MDH1B: variants seen among roughly 807,000 people sequenced by gnomAD.
MDH1B encodes putative malate dehydrogenase 1B.
A neutral mutation model predicts 61.4 loss-of-function variants in MDH1B; 60 were observed. That is an observed-to-expected ratio of 0.98 (90% CI 0.79 to 1.21). The LOEUF is 1.21. Ranked by LOEUF, MDH1B falls within the 50% of genes most tolerant of loss-of-function variation. The pLI, the probability that MDH1B is intolerant of heterozygous loss-of-function variation, is 0.00. For missense variants in MDH1B, 587 were observed against 632.1 expected, an observed-to-expected ratio of 0.93 and a Z score of 0.76; for synonymous variants, 236 against 218.7, an observed-to-expected ratio of 1.08 and a Z score of -0.70.
At chr2:206,757,187 A>T in intron 3 of MDH1B, 50 bp downstream of exon 3, 1 of 1,555,264 alleles carries the variant, frequency 6.4e-7, no homozygotes, top group Non-Finnish European at 8.7e-7. Flanking sequence ...GAAAAATAAA[A>T]TAATGTAAGA....
intron 6 of MDH1B, 121 bp from the exon 7 acceptor site, chr2:206,749,304 G>A (rs955267761): frequency 3.9e-6 from 3 of 759,896 alleles, no homozygotes; most frequent in Admixed American, 3.0e-5. Context: ...TAGAAATACA[G>A]CTTTATTTCT....
intron 4 of MDH1B, among the ~76,000 whole-genome samples, chr2:206,756,085 G>A (rs1463834722): frequency 6.6e-6 from 1 of 152,120 alleles, no homozygotes. Flanking sequence ...ACCATGGGAA[G>A]TTCAGAAATG....
At chr2:206,748,907 C>T (rs1397515683) in intron 7 of MDH1B, 113 bp downstream of exon 7, 6 of 811,500 alleles carry the variant, frequency 7.4e-6, no homozygotes, top group Middle Eastern at 2.7e-4. Context: ...TGTAAAAGTC[C>T]AGGCAGCTAA....
chr2:206,758,374 G>A (rs922534604), intron 2 of MDH1B, among the ~76,000 whole-genome samples: 1 of 152,166 alleles, frequency 6.6e-6, no homozygotes, highest in Non-Finnish European at 1.5e-5. Context: ...AGAAGACAGG[G>A]ACAACATGTT....
intron 6 of MDH1B, among the ~76,000 whole-genome samples, chr2:206,750,582 T>C (rs1236504665): frequency 6.6e-6 from 1 of 151,806 alleles, no homozygotes; most frequent in Non-Finnish European, 1.5e-5. Flanking sequence ...CTGCTCATCG[T>C]CTTAACTCCT....
In MDH1B at chr2:206,749,187, T is replaced by G; in HGVS notation, c.1053-4A>C. The G allele has an allele frequency of 6.2e-7, 1 of 1,613,426 alleles. No homozygotes were observed. Among genetic ancestry groups the G allele is most frequent in the Non-Finnish European group, 8.5e-7 (1 of 1,179,664 alleles). On this transcript the variant is annotated splice_region_variant and splice_polypyrimidine_tract_variant and intron_variant, in intron 6 of 11. Transcript: ENST00000374412. ...AAATTCTCTTTTTACCCACTCACTG[T>G]AAGGAGAGAAAGAAACAATTTTACA...
At chr2:206,754,419 C>T (rs1413014956) in intron 5 of MDH1B, among the ~76,000 whole-genome samples, 1 of 152,108 alleles carries the variant, frequency 6.6e-6, no homozygotes, top group Non-Finnish European at 1.5e-5. Context: ...ATTTACCATT[C>T]AAAGATTAAT....
At chr2:206,761,439 G>A (rs1321943061) in intron 1 of MDH1B, among the ~76,000 whole-genome samples, 1 of 152,142 alleles carries the variant, frequency 6.6e-6, no homozygotes, top group African/African-American at 2.4e-5. Context: ...TCAGGAAGTT[G>A]TGGGGGTGGG....
Position 206,763,005 on chromosome 2 carries a change from C to G in MDH1B, c.23-1992G>C, listed in dbSNP as rs563351394. Among the ~76,000 whole-genome samples, 7 of 152,158 alleles carry G rather than the reference C, an allele frequency of 4.6e-5. No individual in the cohort carries two copies. In the South Asian group the frequency reaches 6.2e-4, roughly 14 times the overall value. The stretch of plus-strand genomic sequence containing the variant: ...TTCTTTTTGGCCAATCTGCTTCATT[C>G]CCTTGGCTTCAAGTAGCAATCTATA... On this transcript the variant is annotated intron_variant, in intron 1 of 11. Transcript: ENST00000374412.
intron 1 of MDH1B, among the ~76,000 whole-genome samples, chr2:206,763,581 C>G (rs1689231986): frequency 6.6e-6 from 1 of 152,132 alleles, no homozygotes; most frequent in Non-Finnish European, 1.5e-5. Flanking sequence ...AAAAACCTTT[C>G]ATGTACTCTG....
intron 4 of MDH1B, 122 bp downstream of exon 4, chr2:206,756,776 C>T (rs995612209): frequency 6.3e-6 from 6 of 947,310 alleles, no homozygotes; most frequent in African/African-American, 4.9e-5. Flanking sequence ...TATAAGTATA[C>T]ATACACACAA....
chr2:206,740,444 T>C (rs1164598145), intron 10 of MDH1B, among the ~76,000 whole-genome samples: 2 of 152,178 alleles, frequency 1.3e-5, no homozygotes, highest in East Asian at 3.9e-4. Context: ...TTGACTAGGC[T>C]GGGGAGGAGC....
intron 1 of MDH1B, among the ~76,000 whole-genome samples, chr2:206,762,167 C>CA (rs60531500): frequency 0.12 from 18,716 of 152,094 alleles, 1,662 homozygotes; most frequent in African/African-American, 0.26. Flanking sequence ...CTGTTCTCCT[C>CA]ATTACTATTC....
chr2:206,760,235 C>G (rs1380416049), intron 2 of MDH1B, among the ~76,000 whole-genome samples: 1 of 152,186 alleles, frequency 6.6e-6, no homozygotes, highest in Non-Finnish European at 1.5e-5. Flanking sequence ...ACTCCATTCT[C>G]TCTCTAGGAA....
intron 8 of MDH1B, 55 bp from the exon 9 acceptor site, chr2:206,745,728 T>G: frequency 8.8e-7 from 1 of 1,131,698 alleles, no homozygotes; most frequent in Non-Finnish European, 1.2e-6. Flanking sequence ...AACTTAATTC[T>G]TCTTTTTTTT....
Position 206,755,195 on chromosome 2 carries a change from G to C in MDH1B, c.724C>G (p.Leu242Val). Residue 242 changes from leucine (L) to valine (V), a missense_variant, in exon 5 of 12, where the codon CTG becomes GTG. Physicochemically the swap from Leu to Val is conservative, Grantham distance 32. Transcript: ENST00000374412. ...RVPLCRLYGY[L>V]IEKNAHESVR... ...GACTCATGAGCATTTTTCTCTATCA[G>C]GTACCCATAGAGCCTGCAGAGAGGC... The C allele has an allele frequency of 6.2e-7, 1 of 1,614,148 alleles. No individual in the cohort carries two copies. The highest frequency in any genetic ancestry group is 8.5e-7 in the Non-Finnish European group (1 of 1,180,012).
chr2:206,741,425 G>C, intron 9 of MDH1B: 1 of 357,000 alleles, frequency 2.8e-6, no homozygotes, highest in South Asian at 2.4e-5. Flanking sequence ...TGAGTCAGTG[G>C]GCTGGGGAAG....
At chr2:206,756,760 T>C (rs1688783713) in intron 4 of MDH1B, 138 bp downstream of exon 4, 1 of 784,368 alleles carries the variant, frequency 1.3e-6, no homozygotes, top group Non-Finnish European at 2.0e-6. Context: ...TGTATATGTG[T>C]ATACATATAA....
intron 9 of MDH1B, among the ~76,000 whole-genome samples, chr2:206,745,127 CA>C (rs1688028965): frequency 6.6e-6 from 1 of 151,876 alleles, no homozygotes; most frequent in Admixed American, 6.6e-5. Flanking sequence ...CACAGACACA[CA>C]CAGAGGAAAG....
Sources: allele counts gnomAD v4.1 joint callset (sites outside exome capture counted in the v4.1 genomes callset), GRCh38; gene constraint gnomAD v4.1.1; transcripts MANE v1.5; gene names NCBI Gene and HGNC (gene_info 2026-07-23, HGNC 2026-07-21).